SLC4A4: variants seen among roughly 807,000 people sequenced by gnomAD.
SLC4A4 encodes the protein electrogenic sodium bicarbonate cotransporter 1.
A neutral mutation model predicts 111.5 loss-of-function variants in SLC4A4; 27 were observed. That is an observed-to-expected ratio of 0.24 (90% CI 0.18 to 0.33). The LOEUF (loss-of-function observed/expected upper bound fraction) is 0.33, where lower values mean the gene tolerates loss of function less well. Ranked by LOEUF, SLC4A4 falls within the 10% of genes least tolerant of loss-of-function variation. The pLI is 1.00. For synonymous variants in SLC4A4, 443 were observed against 463.4 expected (o/e 0.96, Z 0.57); for missense variants, 909 against 1,315.5 (o/e 0.69, Z 4.78).
At chr4:71,335,649 C>T (rs1187140947) in intron 3 of SLC4A4, among the ~76,000 whole-genome samples, 1 of 152,028 alleles carries the variant, frequency 6.6e-6, no homozygotes, top group Non-Finnish European at 1.5e-5. Context: ...CACGGTGAAA[C>T]CCCGTCTCTA....
At chr4:71,469,801 G>A (rs1727699185) in intron 13 of SLC4A4, among the ~76,000 whole-genome samples, 1 of 151,792 alleles carries the variant, frequency 6.6e-6, no homozygotes, top group Non-Finnish European at 1.5e-5. Context: ...GGTCATTCTT[G>A]TTGAACTACT....
chr4:71,272,502 C>T (rs1435297782), intron 3 of SLC4A4, among the ~76,000 whole-genome samples: 4 of 151,924 alleles, frequency 2.6e-5, no homozygotes, highest in Admixed American at 1.3e-4. Flanking sequence ...TACTAGAGGG[C>T]GTCATGTTAA....
At chr4:71,274,104 A>G (rs1002806571) in intron 3 of SLC4A4, among the ~76,000 whole-genome samples, 1 of 152,250 alleles carries the variant, frequency 6.6e-6, no homozygotes, top group African/African-American at 2.4e-5. Context: ...CAGTTAATGA[A>G]CACATTTTAT....
In SLC4A4 at chr4:71,208,607, A is replaced by C. The variant is rs902018250; in HGVS notation, c.-2+21206A>C. 7.4e-3 allele frequency among the ~76,000 whole-genome samples: 11 copies of C among 1,480 alleles called. No individual in the cohort carries two copies. In the South Asian group the frequency reaches 0.25, roughly 34 times the overall value. 1.0% of individuals were successfully genotyped at this position (1,480 alleles called of 152,430 possible). A position where few individuals can be genotyped will look rare whatever the true frequency, so the allele number is the denominator to read the frequency against. ...GCCTACATTAGAATGTGTAGAAGCA[A>C]GCCTTTTTTTTTGGTATTAAAATCT... On this transcript the variant is annotated intron_variant, in intron 1 of 25. Coordinates refer to ENST00000264485, the MANE Select transcript of SLC4A4 (RefSeq NM_001098484.3).
At chr4:71,280,263 A>G (rs1363072618) in intron 3 of SLC4A4, among the ~76,000 whole-genome samples, 1 of 152,124 alleles carries the variant, frequency 6.6e-6, no homozygotes, top group Non-Finnish European at 1.5e-5. Context: ...TTCTTTGGCT[A>G]TTGAGTTGCA....
At chr4:71,355,053 C>T (rs1256542440) in intron 5 of SLC4A4, among the ~76,000 whole-genome samples, 9 of 152,138 alleles carry the variant, frequency 5.9e-5, no homozygotes, top group Non-Finnish European at 2.9e-5. Context: ...TAATGTTGGC[C>T]GTTTTAATGG....
intron 2 of SLC4A4, among the ~76,000 whole-genome samples, chr4:71,158,644 G>C (rs745420463): frequency 1.3e-5 from 2 of 152,180 alleles, no homozygotes; most frequent in African/African-American, 4.8e-5. Context: ...GACTGACTTT[G>C]AGCAGGGTAT....
chr4:71,081,729 C>T (rs1397520877), intron 1 of SLC4A4, among the ~76,000 whole-genome samples: 7 of 152,070 alleles, frequency 4.6e-5, no homozygotes, highest in Admixed American at 1.3e-4. Context: ...CATCTGTCTT[C>T]GAACCCGGGA....
At position 71,252,168 on chromosome 4, in the gene SLC4A4, A is replaced by G. The variant is rs374665895; in HGVS notation, c.74-3052A>G. On this transcript the variant is annotated intron_variant, in intron 2 of 25. Transcript: ENST00000264485. Reference sequence around the variant, plus strand: ...TCATAGCATATTTTCAACAGTAATGATGCTTCTATTGATCATGATGACAGA... The same window carrying G: ...TCATAGCATATTTTCAACAGTAATGGTGCTTCTATTGATCATGATGACAGA... 7.9e-5 allele frequency among the ~76,000 whole-genome samples: 12 copies of G among 152,316 alleles called. No individual in the cohort carries two copies. In the South Asian group the frequency reaches 2.5e-3, roughly 32 times the overall value.
intron 2 of SLC4A4, among the ~76,000 whole-genome samples, chr4:71,252,253 G>T (rs1721117043): frequency 6.6e-6 from 1 of 152,132 alleles, no homozygotes; most frequent in Non-Finnish European, 1.5e-5. Flanking sequence ...CGGTGTTTTG[G>T]TTACTTGGCA....
At chr4:71,211,338 T>C (rs1200945952) in intron 1 of SLC4A4, among the ~76,000 whole-genome samples, 2 of 152,220 alleles carry the variant, frequency 1.3e-5, no homozygotes, top group South Asian at 2.1e-4. Context: ...GTCATCACCA[T>C]ACTTTATTTA....
At chr4:71,102,235 G>T (rs1183787120) in intron 2 of SLC4A4, among the ~76,000 whole-genome samples, 2 of 149,644 alleles carry the variant, frequency 1.3e-5, no homozygotes, top group African/African-American at 4.9e-5. Flanking sequence ...AGAATAAAAA[G>T]AAATGAGCAA....
chr4:71,064,528 G>T (rs1326134827), intron 1 of SLC4A4, among the ~76,000 whole-genome samples: 1 of 152,076 alleles, frequency 6.6e-6, no homozygotes, highest in Admixed American at 6.5e-5. Flanking sequence ...GGAGAGAATT[G>T]GATAAAATTG....
At chr4:71,303,191 T>C (rs1725403767) in intron 3 of SLC4A4, among the ~76,000 whole-genome samples, 1 of 152,200 alleles carries the variant, frequency 6.6e-6, no homozygotes, top group Non-Finnish European at 1.5e-5. Context: ...TCTGAGGATT[T>C]AGCTGGGCAA....
chr4:71,280,675 C>G (rs1220572517), intron 3 of SLC4A4, among the ~76,000 whole-genome samples: 1 of 152,052 alleles, frequency 6.6e-6, no homozygotes, highest in East Asian at 1.9e-4. Flanking sequence ...TTGGTGAAGT[C>G]TAGTTTATTG....
chr4:71,171,359 G>A (rs1178993990), intron 2 of SLC4A4, among the ~76,000 whole-genome samples: 1 of 152,124 alleles, frequency 6.6e-6, no homozygotes. Flanking sequence ...AGATTGAGAA[G>A]GCACAGTATA....
intron 1 of SLC4A4, among the ~76,000 whole-genome samples, chr4:71,084,247 A>G (rs1742082265): frequency 6.6e-6 from 1 of 152,054 alleles, no homozygotes; most frequent in Non-Finnish European, 1.5e-5. Flanking sequence ...ATCGCCTTGA[A>G]GTATAGTCTA....
chr4:71,347,465 A>C (rs1729427721), intron 4 of SLC4A4, among the ~76,000 whole-genome samples: 1 of 152,110 alleles, frequency 6.6e-6, no homozygotes, highest in African/African-American at 2.4e-5. Flanking sequence ...CTGCTTTCTC[A>C]CACATGGCAC....
intron 2 of SLC4A4, among the ~76,000 whole-genome samples, chr4:71,167,133 G>A (rs998339967): frequency 6.6e-6 from 1 of 152,076 alleles, no homozygotes; most frequent in Non-Finnish European, 1.5e-5. Context: ...TTGATGGCAG[G>A]GAGTCGGAAT....
Sources: allele counts gnomAD v4.1 joint callset (sites outside exome capture counted in the v4.1 genomes callset), GRCh38; gene constraint gnomAD v4.1.1; transcripts MANE v1.5; gene names NCBI Gene and HGNC (gene_info 2026-07-23, HGNC 2026-07-21).